Variants in HIVEP2 observed in about 807,000 individuals in gnomAD.
The protein encoded by HIVEP2 is transcription factor HIVEP2.
A neutral mutation model predicts 180.7 loss-of-function variants in HIVEP2; 14 were observed. That is an observed-to-expected ratio of 0.08 (90% confidence interval 0.05 to 0.12). The LOEUF is 0.12. Among genes scored for constraint, HIVEP2 ranks in the 10% least tolerant of loss-of-function variants. The pLI is 1.00. For synonymous variants in HIVEP2, 1,184 were observed against 1,136.4 expected, an observed-to-expected ratio of 1.04 and a Z score of -0.84; for missense variants, 2,579 against 3,008.5, an observed-to-expected ratio of 0.86 and a Z score of 3.34.
At position 142,773,088 on chromosome 6, in the gene HIVEP2, C is replaced by T. The variant is rs768884818; in HGVS notation, c.1651G>A (p.Ala551Thr). The T allele has an allele frequency of 6.2e-7, 1 of 1,614,228 alleles. No homozygotes were observed. Among genetic ancestry groups the T allele is most frequent in the Admixed American group, 1.7e-5 (1 of 60,034 alleles). ...IRSNSVPTSS[A>T]TNLTIPPSLR... ...GAAGGAGGAATAGTTAGATTAGTTG[C>T]TGAAGAAGTTGGCACTGAGTTGCTT... The change falls in exon 5 of 10, where the codon GCA (alanine) becomes ACA (threonine). Residue 551 changes from alanine to threonine, a missense_variant. By Grantham distance (58) the Ala-to-Thr change is moderately conservative. This residue lies in a region of HIVEP2 where 524 missense variants were observed against 563.6 expected (regional missense o/e 0.93). Transcript: ENST00000367603.
chr6:142,937,933 C>G (rs1040187926), intron 1 of HIVEP2, among the ~76,000 whole-genome samples: 5 of 152,110 alleles, frequency 3.3e-5, no homozygotes, highest in Non-Finnish European at 7.4e-5. Context: ...GCCTAAATTG[C>G]CTTCCTTCTA....
At chr6:142,829,882 T>C (rs1775030460) in intron 2 of HIVEP2, among the ~76,000 whole-genome samples, 1 of 152,236 alleles carries the variant, frequency 6.6e-6, no homozygotes, top group East Asian at 1.9e-4. Flanking sequence ...ATTCTGTTAA[T>C]GGAAATCTTT....
At chr6:142,889,404 G>A (rs1776797246) in intron 1 of HIVEP2, among the ~76,000 whole-genome samples, 1 of 152,114 alleles carries the variant, frequency 6.6e-6, no homozygotes, top group African/African-American at 2.4e-5. Context: ...ATTATAGTGA[G>A]CTGTGATGAT....
At chr6:142,906,389 C>CA (rs1777265761) in intron 1 of HIVEP2, among the ~76,000 whole-genome samples, 1 of 151,714 alleles carries the variant, frequency 6.6e-6, no homozygotes, top group Non-Finnish European at 1.5e-5. Context: ...ACTTACTTTT[C>CA]AAAAAATAAC....
At chr6:142,788,112 G>C (rs1440564112) in intron 2 of HIVEP2, 1 of 152,138 alleles carries the variant, frequency 6.6e-6, no homozygotes, top group Non-Finnish European at 1.5e-5. Flanking sequence ...AAAAAAAGCA[G>C]ATACATGTGC....
At chr6:142,930,092 C>T (rs1210134670) in intron 1 of HIVEP2, among the ~76,000 whole-genome samples, 1 of 152,180 alleles carries the variant, frequency 6.6e-6, no homozygotes, top group East Asian at 1.9e-4. Flanking sequence ...AATCAAGACT[C>T]TCTTCTTTCT....
chr6:142,883,751 C>G (rs182202739), intron 1 of HIVEP2, among the ~76,000 whole-genome samples: 1 of 152,042 alleles, frequency 6.6e-6, no homozygotes, highest in South Asian at 2.1e-4. Context: ...TGGATCTCAC[C>G]AATATTTTAA....
At position 142,753,628 on chromosome 6, in the gene HIVEP2, C is replaced by T; in HGVS notation, c.6820G>A (p.Asp2274Asn). 1 of 1,614,154 alleles carries T rather than the reference C, an allele frequency of 6.2e-7. No homozygotes were observed. The highest frequency in any genetic ancestry group is 1.1e-5 in the South Asian group (1 of 91,088). Residue 2274 changes from aspartate to asparagine, a missense_variant, in exon 10 of 10, where the codon GAC becomes AAC. By Grantham distance (23) the Asp-to-Asn change is conservative (BLOSUM62 1). Coordinates refer to ENST00000367603, the MANE Select transcript of HIVEP2 (RefSeq NM_006734.4). ...KGASGESFSKDPYVLSKQHEK... is the reference protein window; with the variant it reads ...KGASGESFSKNPYVLSKQHEK... ...TGCTGCTTAGAAAGCACATAGGGGT[C>T]CTTGGAGAAGGACTCCCCTGACGCG...
intron 2 of HIVEP2, among the ~76,000 whole-genome samples, chr6:142,811,209 C>CAGAG (rs796285523): frequency 1.9e-4 from 26 of 135,260 alleles, no homozygotes; most frequent in Non-Finnish European, 3.9e-4. Context: ...GTGAGAGAGA[C>CAGAG]AGAGAGAGAG....
intron 1 of HIVEP2, among the ~76,000 whole-genome samples, chr6:142,928,370 C>T (rs1170470922): frequency 1.3e-5 from 2 of 152,178 alleles, no homozygotes; most frequent in South Asian, 4.1e-4. Flanking sequence ...GCACAGAAAT[C>T]ATCTCGATGT....
chr6:142,800,503 G>C (rs1199374778), intron 2 of HIVEP2, among the ~76,000 whole-genome samples: 2 of 152,036 alleles, frequency 1.3e-5, no homozygotes, highest in Non-Finnish European at 2.9e-5. Flanking sequence ...AACAAGAAAT[G>C]CATGACTAAT....
intron 1 of HIVEP2, among the ~76,000 whole-genome samples, chr6:142,873,953 A>G (rs1182897884): frequency 2.0e-5 from 3 of 152,170 alleles, no homozygotes; most frequent in Non-Finnish European, 4.4e-5. Flanking sequence ...CTGAGCAGTT[A>G]GCATGACTTC....
In HIVEP2 at chr6:142,874,680, C is replaced by A. The variant is rs116928118; in HGVS notation, c.-640-37633G>T. 1.8e-3 allele frequency among the ~76,000 whole-genome samples: 278 copies of A among 152,142 alleles called. 2 individuals carry two copies. The highest frequency in any genetic ancestry group is 9.7e-3 in the East Asian group (50 of 5,180). ...AAGGAAAATTATTGACAAATGCAGC[C>A]AGCAAGGACCAAAAAGAAGGACACT... is the stretch of plus-strand genomic sequence containing the variant. On this transcript the variant is annotated intron_variant, in intron 1 of 9. Coordinates refer to ENST00000367603, the MANE Select transcript of HIVEP2 (RefSeq NM_006734.4).
In HIVEP2 at chr6:142,772,387, G is replaced by A. The variant is rs749471416; in HGVS notation, c.2352C>T (p.Asp784=). Residue 784 remains aspartate, a synonymous_variant, in exon 5 of 10, where the codon GAC becomes GAT. Transcript: ENST00000367603. The surrounding 1 kb of genome is among the most constrained non-coding windows in gnomAD (Gnocchi z 4.9). ...TCCTGCCCCCTAGGTCTGACATCTTGTCTGAATCAATGGCTGAAGGTGACT... is the reference window on the plus strand; with the variant it reads ...TCCTGCCCCCTAGGTCTGACATCTTATCTGAATCAATGGCTGAAGGTGACT... ...SEESPSAIDS[D]KMSDLGGRKP... The A allele has an allele frequency of 6.2e-7, 1 of 1,614,200 alleles. No individual in the cohort carries two copies. Among genetic ancestry groups the A allele is most frequent in the Non-Finnish European group, 8.5e-7 (1 of 1,180,028 alleles).
At chr6:142,769,460 A>ATT in intron 5 of HIVEP2, 92 bp downstream of exon 5, 26 of 995,454 alleles carry the variant, frequency 2.6e-5, no homozygotes, top group East Asian at 2.9e-5. Context: ...TTTTACTTGT[A>ATT]TTTTTTTTTT....
intron 2 of HIVEP2, among the ~76,000 whole-genome samples, chr6:142,831,434 A>G (rs145465230): frequency 0.01 from 1,541 of 152,104 alleles, 18 homozygotes; most frequent in Middle Eastern, 0.037. Flanking sequence ...GCCATCCAAC[A>G]GGGCCCAGCC....
intron 1 of HIVEP2, among the ~76,000 whole-genome samples, chr6:142,884,114 A>T (rs1006973299): frequency 6.6e-6 from 1 of 152,212 alleles, no homozygotes; most frequent in Non-Finnish European, 1.5e-5. Context: ...ACAGAATTGT[A>T]AAACAGATAA....
intron 1 of HIVEP2, among the ~76,000 whole-genome samples, chr6:142,940,267 C>T (rs1174972268): frequency 6.6e-6 from 1 of 152,088 alleles, no homozygotes; most frequent in African/African-American, 2.4e-5. Flanking sequence ...ATTTTTAGAA[C>T]TTAAATTATT....
Position 142,771,370 on chromosome 6 carries a change from C to G in HIVEP2, c.3369G>C (p.Pro1123=), listed in dbSNP as rs372386907. 3 of 1,612,668 alleles carry G rather than the reference C, an allele frequency of 1.9e-6. No homozygotes were observed. The highest frequency in any genetic ancestry group is 2.5e-6 in the Non-Finnish European group (3 of 1,179,940). ...AGLRSGWHHG[P]PAVLPPLQQE... is the part of the protein sequence containing the mutation. ...GCTGAAGAGGAGGCAGCACAGCAGG[C>G]GGGCCATGGTGCCACCCGGACCGGA... The change falls in exon 5 of 10, where the codon CCG becomes CCC. Residue 1123 remains proline, a synonymous_variant. Coordinates refer to ENST00000367603, the MANE Select transcript of HIVEP2 (RefSeq NM_006734.4). The surrounding 1 kb of genome is among the most constrained non-coding windows in gnomAD (Gnocchi z 5.4).
Sources: allele counts gnomAD v4.1 joint callset (sites outside exome capture counted in the v4.1 genomes callset), GRCh38; gene constraint gnomAD v4.1.1; regional missense constraint gnomAD v4.1.1; non-coding constraint Gnocchi (gnomAD v3.1); transcripts MANE v1.5; gene names NCBI Gene and HGNC (gene_info 2026-07-23, HGNC 2026-07-21).